The following RHOT1 variants were observed in gnomAD, a reference collection of about 807,000 sequenced individuals.
RHOT1 encodes ras homolog family member T1.
In RHOT1, 27 loss-of-function variants were observed where a neutral mutation model predicts 95.3. The observed-to-expected ratio is 0.28, with a 90% confidence interval of 0.21 to 0.39. RHOT1 has a LOEUF of 0.39. Ranked by LOEUF, RHOT1 falls within the 10% of genes least tolerant of loss-of-function variation. The pLI, the probability that RHOT1 is intolerant of heterozygous loss-of-function variation, is 1.00. For missense variants in RHOT1, 578 were observed against 786.7 expected (o/e 0.73, Z 3.17); for synonymous variants, 227 against 263.5 (o/e 0.86, Z 1.34).
In RHOT1 at chr17:32,142,668, A is replaced by C. The variant is rs2030521685; in HGVS notation, c.-25A>C. The C allele has an allele frequency of 1.3e-6, 2 of 1,524,356 alleles. No individual in the cohort carries two copies. Among genetic ancestry groups the C allele is most frequent in the African/African-American group, 2.8e-5 (2 of 72,032 alleles). The allele number at this position is 1,524,356 out of a possible 1,614,324, so 94.4% of individuals were successfully genotyped here. On this transcript the variant is annotated 5_prime_UTR_variant, in exon 1 of 20. Coordinates refer to ENST00000545287, the MANE Select transcript of RHOT1 (RefSeq NM_001033566.3). Reference sequence around the variant, plus strand: ...GAGTCCACTCCGTGCGTGCGGGCGGAGGCCGGCCCCCGAGAGCCGCCGACA... The same window carrying C: ...GAGTCCACTCCGTGCGTGCGGGCGGCGGCCGGCCCCCGAGAGCCGCCGACA...
intron 19 of RHOT1, chr17:32,220,978 A>G (rs2038796200): frequency 1.5e-6 from 1 of 660,544 alleles, no homozygotes; most frequent in Non-Finnish European, 1.9e-6. Flanking sequence ...GCAGTAAGAT[A>G]CTATAAGTTA....
rs1204367043 is a variant in RHOT1 at position 32,211,184 on chromosome 17, A to G, written c.1808A>G (p.Asn603Ser). 1 of 1,612,682 alleles carries G rather than the reference A, an allele frequency of 6.2e-7. No homozygotes were observed. Among genetic ancestry groups the G allele is most frequent in the Admixed American group, 1.7e-5 (1 of 59,992 alleles). Reference sequence around the variant, plus strand: ...TTTTGCATCTGTCAGAACTTCCTCAACTCAGACTTGCTGCAATCTGTAAAG... The same window carrying G: ...TTTTGCATCTGTCAGAACTTCCTCAGCTCAGACTTGCTGCAATCTGTAAAG... ...CTFCICQNFLNSDLLQSVKNK... is the reference protein window; with the variant it reads ...CTFCICQNFLSSDLLQSVKNK... The change falls in exon 19 of 20, where the codon AAC becomes AGC. Residue 603 changes from asparagine (N) to serine (S), a missense_variant. By Grantham distance (46) the Asn-to-Ser change is conservative. Around this residue, in one of 4 missense-constraint regions of RHOT1, gnomAD observed 296 missense variants for 338.5 expected, o/e 0.87. Coordinates refer to ENST00000545287, the MANE Select transcript of RHOT1 (RefSeq NM_001033566.3).
rs1204827769 is a variant in RHOT1 at position 32,150,730 on chromosome 17, G to T, written c.37+8001G>T. 4.4e-6 allele frequency: 7 copies of T among 1,603,032 alleles called. No individual in the cohort carries two copies. The African/African-American group carries it at 9.4e-5, about 21-fold the overall frequency. ...GGCATCAGAGTACAAAGCAGGAACTGAGGCCACCAGCCTCTCCCACTGAGT... is the reference window on the plus strand; with the variant it reads ...GGCATCAGAGTACAAAGCAGGAACTTAGGCCACCAGCCTCTCCCACTGAGT... On this transcript the variant is annotated intron_variant, in intron 1 of 19. Transcript: ENST00000545287.
intron 18 of RHOT1, 125 bp downstream of exon 18, chr17:32,208,434 A>C: frequency 1.0e-6 from 1 of 963,976 alleles, no homozygotes; most frequent in Non-Finnish European, 1.6e-6. Context: ...CTTTGTAATG[A>C]GAAGGTACAA....
chr17:32,177,452 A>C (rs2035097040), intron 6 of RHOT1, among the ~76,000 whole-genome samples: 1 of 152,058 alleles, frequency 6.6e-6, no homozygotes, highest in African/African-American at 2.4e-5. Flanking sequence ...TCTAGGAGGG[A>C]ATCTTTAAGA....
At chr17:32,191,070 T>C (rs1472936018) in intron 8 of RHOT1, among the ~76,000 whole-genome samples, 1 of 152,126 alleles carries the variant, frequency 6.6e-6, no homozygotes, top group Admixed American at 6.6e-5. Context: ...GCTGGGATTA[T>C]AAGTGTGAGC....
In RHOT1 at chr17:32,183,303, G is replaced by A. The variant is rs1314517449; in HGVS notation, c.540+31G>A. 2.4e-6 allele frequency: 3 copies of A among 1,232,384 alleles called. No individual in the cohort carries two copies. The South Asian group carries it at 6.9e-5, about 28-fold the overall frequency. 76.3% of individuals were successfully genotyped at this position (1,232,384 alleles called of 1,614,324 possible). A position where few individuals can be genotyped will look rare whatever the true frequency, so the allele number is the denominator to read the frequency against. On this transcript the variant is annotated intron_variant, in intron 8 of 19. Transcript: ENST00000545287. Reference sequence around the variant, plus strand: ...AGGCTGTGTTTATAGGGGCTGGAATGTGTATGTAGTAACTCTAGTATGGTA... The same window carrying A: ...AGGCTGTGTTTATAGGGGCTGGAATATGTATGTAGTAACTCTAGTATGGTA...
At chr17:32,198,395 A>T (rs190239842) in intron 11 of RHOT1, among the ~76,000 whole-genome samples, 2 of 152,314 alleles carry the variant, frequency 1.3e-5, no homozygotes, top group Admixed American at 1.3e-4. Context: ...AATTTTTTAT[A>T]TTAACCTGCT....
chr17:32,157,787 A>G (rs1375153124), intron 1 of RHOT1, among the ~76,000 whole-genome samples: 2 of 151,946 alleles, frequency 1.3e-5, no homozygotes, highest in East Asian at 1.9e-4. Context: ...AGCCTGGGTG[A>G]CATAGCAAGA....
At chr17:32,180,218 G>T (rs1412737836) in intron 6 of RHOT1, 2 of 154,404 alleles carry the variant, frequency 1.3e-5, no homozygotes, top group African/African-American at 4.8e-5. Flanking sequence ...AAAAGAAAAG[G>T]GGGAAATGTG....
chr17:32,198,582 G>A (rs182490579), intron 11 of RHOT1, among the ~76,000 whole-genome samples: 15 of 152,214 alleles, frequency 9.9e-5, no homozygotes, highest in African/African-American at 3.1e-4. Context: ...GGTAGTGTGC[G>A]CCTGTGGTCC....
chr17:32,142,875 C>G (rs914542751), intron 1 of RHOT1, 146 bp downstream of exon 1: 1 of 798,426 alleles, frequency 1.3e-6, no homozygotes, highest in African/African-American at 1.7e-5. Context: ...TCTCCGCGTT[C>G]CTAGGCCTTC....
chr17:32,146,127 A>G (rs908642506), intron 1 of RHOT1, among the ~76,000 whole-genome samples: 2 of 152,160 alleles, frequency 1.3e-5, no homozygotes, highest in Non-Finnish European at 2.9e-5. Context: ...CTTCCCTTTT[A>G]TGCTACTCTC....
At chr17:32,197,257 C>G (rs2036958352) in intron 11 of RHOT1, among the ~76,000 whole-genome samples, 1 of 151,636 alleles carries the variant, frequency 6.6e-6, no homozygotes, top group South Asian at 2.1e-4. Context: ...GAGATGGAGT[C>G]TCACTCTGTC....
intron 1 of RHOT1, among the ~76,000 whole-genome samples, chr17:32,154,039 A>AGTCCTT (rs1256380066): frequency 1.3e-5 from 2 of 152,092 alleles, no homozygotes; most frequent in Admixed American, 1.3e-4. Flanking sequence ...GTGGTGGCTC[A>AGTCCTT]TACCTTTAGT....
At chr17:32,172,500 T>G (rs1008639242) in intron 2 of RHOT1, among the ~76,000 whole-genome samples, 1 of 152,240 alleles carries the variant, frequency 6.6e-6, no homozygotes, top group Non-Finnish European at 1.5e-5. Flanking sequence ...TTTTAATTAA[T>G]TTTTAAAAAT....
In RHOT1 at chr17:32,192,199, A is replaced by T; in HGVS notation, c.541-2A>T. On this transcript the variant is annotated splice_acceptor_variant, in intron 8 of 19. Transcript: ENST00000545287. LOFTEE classifies it high-confidence loss of function. ...ATTATTTCTTTTCTCAATGATTTATAGATGAAACCAGCTTGTATAAAAGCC... is the reference window on the plus strand; with the variant it reads ...ATTATTTCTTTTCTCAATGATTTATTGATGAAACCAGCTTGTATAAAAGCC... The T allele has an allele frequency of 1.5e-6, 2 of 1,345,268 alleles. No homozygotes were observed. Among genetic ancestry groups the T allele is most frequent in the Non-Finnish European group, 2.1e-6 (2 of 962,198 alleles). The allele number at this position is 1,345,268 out of a possible 1,614,324, so 83.3% of individuals were successfully genotyped here.
intron 1 of RHOT1, among the ~76,000 whole-genome samples, chr17:32,149,635 A>ATG (rs1300585666): frequency 0.042 from 2,459 of 58,420 alleles, 128 homozygotes; most frequent in East Asian, 0.076. Context: ...ATATATATAT[A>ATG]TGTGTGTGTG....
intron 7 of RHOT1, 101 bp from the exon 8 acceptor site, chr17:32,183,070 G>GTT: frequency 1.9e-6 from 2 of 1,039,820 alleles, no homozygotes; most frequent in South Asian, 1.7e-5. Context: ...TGCATTTTTC[G>GTT]TTTTTTTTCA....
Sources: allele counts gnomAD v4.1 joint callset (sites outside exome capture counted in the v4.1 genomes callset), GRCh38; gene constraint gnomAD v4.1.1; regional missense constraint gnomAD v4.1.1; transcripts MANE v1.5; gene names NCBI Gene and HGNC (gene_info 2026-07-23, HGNC 2026-07-21).